Variants in TMEM50A observed in about 807,000 individuals in gnomAD.
TMEM50A encodes the protein cervical cancer oncogene 9.
A neutral mutation model predicts 23.9 loss-of-function variants in TMEM50A; 8 were observed. That is an observed-to-expected ratio of 0.33 (90% CI 0.20 to 0.60). The LOEUF (loss-of-function observed/expected upper bound fraction) is 0.60. TMEM50A is among the 20% of genes least tolerant of loss of function. The pLI is 0.81. For missense variants in TMEM50A, 178 were observed against 192.7 expected, an observed-to-expected ratio of 0.92 and a Z score of 0.45; for synonymous variants, 55 against 60.4, an observed-to-expected ratio of 0.91 and a Z score of 0.41.
At chr1:25,341,342 C>T (rs918888975) in intron 2 of TMEM50A, among the ~76,000 whole-genome samples, 2 of 152,072 alleles carry the variant, frequency 1.3e-5, no homozygotes, top group Non-Finnish European at 2.9e-5. Context: ...ACTGCAAGCT[C>T]CGCTTCCCGG....
chr1:25,351,807 T>C, intron 4 of TMEM50A, 114 bp downstream of exon 4: 1 of 843,688 alleles, frequency 1.2e-6, no homozygotes, highest in Non-Finnish European at 1.8e-6. Flanking sequence ...TAACAGCTTA[T>C]TATTTTGAAT....
Position 25,360,661 on chromosome 1 carries a change from G to C in TMEM50A, c.430G>C (p.Gly144Arg), listed in dbSNP as rs1389711748. 6.2e-7 allele frequency: 1 copy of C among 1,613,970 alleles called. No homozygotes were observed. Among genetic ancestry groups the C allele is most frequent in the Admixed American group, 1.7e-5 (1 of 60,010 alleles). ...TGATATTTCTTGTTTTATTCACAGA[G>C]GGCTGGTTTTTAAGTTTGGCCGCAC... ...FFQNAFIFFG[G>R]LVFKFGRTED... The change falls in exon 7 of 7, where the codon GGG (glycine) becomes CGG (arginine). Residue 144 changes from glycine (G) to arginine (R), a missense_variant and splice_region_variant. Transcript: ENST00000374358.
At chr1:25,360,553 C>A in intron 6 of TMEM50A, 107 bp from the exon 7 acceptor site, 2 of 1,256,088 alleles carry the variant, frequency 1.6e-6, no homozygotes, top group Non-Finnish European at 2.3e-6. Flanking sequence ...ATTTCTTCTA[C>A]AACTCATCAA....
chr1:25,357,608 C>CCGTGTG (rs1436710053), intron 6 of TMEM50A, among the ~76,000 whole-genome samples: 1 of 84,276 alleles, frequency 1.2e-5, no homozygotes, highest in Admixed American at 1.1e-4. Flanking sequence ...GTCTCTCACC[C>CCGTGTG]AGTGTGTGTG....
At position 25,351,687 on chromosome 1, in the gene TMEM50A, C is replaced by A; in HGVS notation, c.268C>A (p.Gln90Lys). 6.2e-7 allele frequency: 1 copy of A among 1,613,126 alleles called. No homozygotes were observed. The highest frequency in any genetic ancestry group is 1.1e-5 in the South Asian group (1 of 90,846). The change falls in exon 4 of 7, where the codon CAA becomes AAA. Residue 90 changes from glutamine to lysine, a missense_variant. By Grantham distance (53) the Gln-to-Lys change is moderately conservative (BLOSUM62 1). Transcript: ENST00000374358. ...TAGTTACAGTGAAGGTTGTCTGGGT[C>A]AAACAGGTAAATAGGTGCAAACAGC... ...GDSYSEGCLG[Q>K]TGARIWLFVG...
At chr1:25,349,195 A>G (rs1486799450) in intron 3 of TMEM50A, among the ~76,000 whole-genome samples, 1 of 152,258 alleles carries the variant, frequency 6.6e-6, no homozygotes, top group African/African-American at 2.4e-5. Context: ...TATAGCCCCC[A>G]GTTATGGAGC....
At position 25,362,358 on chromosome 1, in the gene TMEM50A, CTA is replaced by C; in HGVS notation, c.*1654_*1655del. 1 of 1,464,414 alleles carries C rather than the reference CTA, an allele frequency of 6.8e-7. No individual in the cohort carries two copies. The highest frequency in any genetic ancestry group is 9.3e-7 in the Non-Finnish European group (1 of 1,074,890). 90.7% of individuals were successfully genotyped at this position (1,464,414 alleles called of 1,614,324 possible). On this transcript the variant is annotated 3_prime_UTR_variant, in exon 7 of 7. Coordinates refer to ENST00000374358, the MANE Select transcript of TMEM50A (RefSeq NM_014313.4). Reference sequence around the variant, plus strand: ...TAAACTTATTAAATTGACTCTTAAACTAAGTTTTTAGTCTTTAATTTTTTAAT... The same window carrying C: ...TAAACTTATTAAATTGACTCTTAAACAGTTTTTAGTCTTTAATTTTTTAAT...
rs190907780 is a variant in TMEM50A at position 25,352,379 on chromosome 1, C to T, written c.275-503C>T. On this transcript the variant is annotated intron_variant, in intron 4 of 6. Transcript: ENST00000374358. ...GCGTGGTGGCGGGTGCCTGTAGTCC[C>T]AGCTACTCTGGAGGCTGAGGCAGGG... 5.3e-5 allele frequency among the ~76,000 whole-genome samples: 8 copies of T among 151,870 alleles called. No individual in the cohort carries two copies. The East Asian group carries it at 1.5e-3, about 29-fold the overall frequency.
chr1:25,346,991 C>T (rs546721980), intron 3 of TMEM50A, among the ~76,000 whole-genome samples: 2 of 152,156 alleles, frequency 1.3e-5, no homozygotes, highest in East Asian at 1.9e-4. Flanking sequence ...TGGATTCCAG[C>T]CCAGGAGACA....
chr1:25,352,180 A>G (rs1247528075), intron 4 of TMEM50A, among the ~76,000 whole-genome samples: 2 of 152,104 alleles, frequency 1.3e-5, no homozygotes, highest in Admixed American at 1.3e-4. Flanking sequence ...TGTCTGTGTT[A>G]CTGTTTGAAA....
At chr1:25,357,840 A>G (rs973756617) in intron 6 of TMEM50A, among the ~76,000 whole-genome samples, 1 of 149,676 alleles carries the variant, frequency 6.7e-6, no homozygotes, top group Non-Finnish European at 1.5e-5. Context: ...GGGTTTCACC[A>G]TGTTGTCCAG....
chr1:25,340,938 G>C (rs2124232932), intron 2 of TMEM50A, among the ~76,000 whole-genome samples: 1 of 152,182 alleles, frequency 6.6e-6, no homozygotes, highest in Admixed American at 6.5e-5. Context: ...CCATAATCCA[G>C]TTAACTTTCT....
At chr1:25,342,221 G>T (rs1380097864) in intron 2 of TMEM50A, among the ~76,000 whole-genome samples, 4 of 152,140 alleles carry the variant, frequency 2.6e-5, no homozygotes, top group Non-Finnish European at 5.9e-5. Flanking sequence ...CTGAGTCAGG[G>T]TTTGGTGTGG....
Position 25,360,935 on chromosome 1 carries a change from A to G in TMEM50A, c.*230A>G, listed in dbSNP as rs7694. 5,196 of 393,096 alleles carry G rather than the reference A, an allele frequency of 0.013. 57 individuals are homozygous for G. The highest frequency in any genetic ancestry group is 0.017 in the Non-Finnish European group (3,693 of 219,630). 24.4% of individuals were successfully genotyped at this position (393,096 alleles called of 1,614,324 possible). ...GTTAGAGGAAACTTTCACATGAATA[A>G]TTTTTGTCAAATTTTATCATGGTAT... On this transcript the variant is annotated 3_prime_UTR_variant, in exon 7 of 7. Transcript: ENST00000374358.
At chr1:25,360,106 T>C (rs1645381645) in intron 6 of TMEM50A, among the ~76,000 whole-genome samples, 1 of 152,106 alleles carries the variant, frequency 6.6e-6, no homozygotes, top group African/African-American at 2.4e-5. Context: ...TCCCAGCACT[T>C]TGGGAGGCCG....
intron 1 of TMEM50A, 35 bp from the exon 2 acceptor site, chr1:25,340,439 G>A: frequency 6.8e-7 from 1 of 1,464,742 alleles, no homozygotes; most frequent in Non-Finnish European, 9.5e-7. Context: ...GTAAATGGAA[G>A]TACTTATTTA....
At chr1:25,359,466 T>G (rs1645371659) in intron 6 of TMEM50A, among the ~76,000 whole-genome samples, 1 of 151,746 alleles carries the variant, frequency 6.6e-6, no homozygotes, top group South Asian at 2.1e-4. Flanking sequence ...AGAATTGTCT[T>G]GAGGCACTCA....
At chr1:25,352,824 A>G (rs1044474400) in intron 4 of TMEM50A, 58 bp from the exon 5 acceptor site, 1 of 1,478,496 alleles carries the variant, frequency 6.8e-7, no homozygotes, top group Non-Finnish European at 9.1e-7. Context: ...TTTCTTTTTG[A>G]AAGTTAATTG....
intron 3 of TMEM50A, among the ~76,000 whole-genome samples, chr1:25,348,067 G>A (rs540015797): frequency 1.3e-5 from 2 of 152,322 alleles, no homozygotes; most frequent in East Asian, 3.9e-4. Flanking sequence ...GAGCTTGAAT[G>A]TACTATTCAA....
Sources: gnomAD v4.1 joint callset for allele counts (sites outside exome capture counted in the v4.1 genomes callset) on GRCh38, gnomAD v4.1.1 for gene constraint, MANE v1.5 for transcripts, NCBI Gene and HGNC (gene_info 2026-07-23, HGNC 2026-07-21) for gene names.